Variants in EMILIN2 observed in about 807,000 individuals in gnomAD.
The protein encoded by EMILIN2 is EMILIN-2.
EMILIN2 carries 71 observed loss-of-function variants against 87.1 expected under a neutral mutation model. The ratio of observed to expected loss-of-function variants is 0.82; its 90% CI spans 0.67 to 0.99. The LOEUF (loss-of-function observed/expected upper bound fraction) is 0.99, where lower values mean the gene tolerates loss of function less well. Among genes scored for constraint, EMILIN2 ranks in the 50% least tolerant of loss-of-function variants. EMILIN2 has a pLI of 0.00. For synonymous variants in EMILIN2, 581 were observed against 563.4 expected, an observed-to-expected ratio of 1.03 and a Z score of -0.44; for missense variants, 1,407 against 1,371.8, an observed-to-expected ratio of 1.03 and a Z score of -0.40.
At chr18:2,883,221 G>A (rs1044237614) in intron 2 of EMILIN2, among the ~76,000 whole-genome samples, 1 of 33,984 alleles carries the variant, frequency 2.9e-5, no homozygotes, top group Non-Finnish European at 7.4e-5. Flanking sequence ...TGTGACCCTC[G>A]GGGAGGATGT....
intron 2 of EMILIN2, among the ~76,000 whole-genome samples, chr18:2,863,766 G>C (rs960501768): frequency 3.3e-5 from 5 of 152,224 alleles, no homozygotes; most frequent in Admixed American, 3.3e-4. Context: ...TTCAATTCCT[G>C]GATATCCTTC....
At chr18:2,868,697 G>C (rs998680804) in intron 2 of EMILIN2, among the ~76,000 whole-genome samples, 27 of 152,254 alleles carry the variant, frequency 1.8e-4, no homozygotes, top group Non-Finnish European at 1.8e-4. Flanking sequence ...TCGGCAGGCT[G>C]AGGCAGGAGA....
chr18:2,858,282 C>T (rs1348769807), intron 2 of EMILIN2, among the ~76,000 whole-genome samples: 1 of 150,790 alleles, frequency 6.6e-6, no homozygotes, highest in African/African-American at 2.4e-5. Flanking sequence ...TACACGGAAC[C>T]CAATTTGTAG....
Position 2,902,905 on chromosome 18 carries a change from C to T in EMILIN2, c.2360-3878C>T, listed in dbSNP as rs116738395. On this transcript the variant is annotated intron_variant, in intron 4 of 7. Transcript: ENST00000254528. ...GTGCCTGGATGAGGGAGAACAAGGG[C>T]GGATTTCAGAGGAAAAGGGTGATTT... Among the ~76,000 whole-genome samples, 1,051 of 151,948 alleles carry T rather than the reference C, an allele frequency of 6.9e-3. 9 individuals carry two copies. The highest frequency in any genetic ancestry group is 0.024 in the Middle Eastern group (7 of 294).
At chr18:2,857,287 C>T (rs1199087961) in intron 2 of EMILIN2, among the ~76,000 whole-genome samples, 1 of 152,224 alleles carries the variant, frequency 6.6e-6, no homozygotes, top group Non-Finnish European at 1.5e-5. Context: ...CCCAACTTTT[C>T]CCATCTCTGT....
At chr18:2,867,549 ACT>A (rs1300470030) in intron 2 of EMILIN2, among the ~76,000 whole-genome samples, 1 of 151,914 alleles carries the variant, frequency 6.6e-6, no homozygotes, top group Non-Finnish European at 1.5e-5. Flanking sequence ...AGTGGTGATG[ACT>A]CTCAACGAGC....
At chr18:2,858,325 C>T (rs1488503110) in intron 2 of EMILIN2, among the ~76,000 whole-genome samples, 2 of 150,764 alleles carry the variant, frequency 1.3e-5, no homozygotes, top group African/African-American at 4.9e-5. Flanking sequence ...CCATCCTTTT[C>T]CCCTGAGTCC....
intron 2 of EMILIN2, among the ~76,000 whole-genome samples, chr18:2,868,818 A>G (rs535149724): frequency 6.6e-6 from 1 of 152,162 alleles, no homozygotes. Context: ...AGGGAGACCA[A>G]TTCTTCTTTA....
chr18:2,850,093 A>ATTTTTTTT (rs71366611), intron 2 of EMILIN2, among the ~76,000 whole-genome samples: 1 of 122,540 alleles, frequency 8.2e-6, no homozygotes, highest in African/African-American at 3.1e-5. Context: ...TGCCCAGCTA[A>ATTTTTTTT]TTTTTTTTTT....
At chr18:2,895,360 A>G (rs2076858550) in intron 4 of EMILIN2, among the ~76,000 whole-genome samples, 1 of 152,164 alleles carries the variant, frequency 6.6e-6, no homozygotes, top group African/African-American at 2.4e-5. Flanking sequence ...GATCTGATTG[A>G]GGGATGGGTG....
At chr18:2,877,319 A>G (rs1346367485) in intron 2 of EMILIN2, among the ~76,000 whole-genome samples, 2 of 152,154 alleles carry the variant, frequency 1.3e-5, no homozygotes, top group Admixed American at 6.5e-5. Context: ...TTCAGACTTT[A>G]TAGCCTCTAC....
At chr18:2,899,084 A>AAAC (rs2076876437) in intron 4 of EMILIN2, among the ~76,000 whole-genome samples, 1 of 151,668 alleles carries the variant, frequency 6.6e-6, no homozygotes, top group Admixed American at 6.6e-5. Context: ...GGATCTTTAA[A>AAAC]AAAAACAAAA....
At chr18:2,861,704 T>C (rs2143970033) in intron 2 of EMILIN2, among the ~76,000 whole-genome samples, 1 of 152,348 alleles carries the variant, frequency 6.6e-6, no homozygotes, top group Admixed American at 6.5e-5. Flanking sequence ...TAGGATTGAC[T>C]TGGCGATGCA....
chr18:2,885,613 G>A (rs2076799881), intron 3 of EMILIN2, among the ~76,000 whole-genome samples: 1 of 152,184 alleles, frequency 6.6e-6, no homozygotes, highest in Non-Finnish European at 1.5e-5. Context: ...CTGCCTACCT[G>A]GTTCAAGCAA....
Position 2,877,635 on chromosome 18 carries a change from A to T in EMILIN2, c.258-7329A>T, listed in dbSNP as rs2076756009. Among the ~76,000 whole-genome samples, 4 of 151,948 alleles carry T rather than the reference A, an allele frequency of 2.6e-5. No homozygotes were observed. In the South Asian group the frequency reaches 8.3e-4, roughly 32 times the overall value. ...CTACTAAAAATACAAAAAATTAGCC[A>T]GGCGTGGTGGCCTGCACCTGTAATC... On this transcript the variant is annotated intron_variant, in intron 2 of 7. Transcript: ENST00000254528.
intron 2 of EMILIN2, among the ~76,000 whole-genome samples, chr18:2,862,071 G>C (rs918636427): frequency 6.6e-6 from 1 of 152,134 alleles, no homozygotes; most frequent in African/African-American, 2.4e-5. Context: ...GGTGATTTTT[G>C]CACATTGATT....
At position 2,913,129 on chromosome 18, in the gene EMILIN2, G is replaced by C. The variant is rs750160087; in HGVS notation, c.2887G>C (p.Asp963His). ...CACGGCCACCCTCACCCCCGAGAGA[G>C]ACGCCTACGTGGAAGCAGTGCTGTC... is the stretch of plus-strand genomic sequence containing the variant. ...LITATLTPERDAYVEAVLSVS... is the reference protein window; with the variant it reads ...LITATLTPERHAYVEAVLSVS... The change falls in exon 8 of 8, where the codon GAC becomes CAC. Residue 963 changes from aspartate to histidine, a missense_variant. Coordinates refer to ENST00000254528, the MANE Select transcript of EMILIN2 (RefSeq NM_032048.3). 2 of 1,613,814 alleles carry C rather than the reference G, an allele frequency of 1.2e-6. No homozygotes were observed. Among genetic ancestry groups the C allele is most frequent in the Non-Finnish European group, 1.7e-6 (2 of 1,180,026 alleles).
At chr18:2,864,086 C>T (rs1447953159) in intron 2 of EMILIN2, among the ~76,000 whole-genome samples, 1 of 152,178 alleles carries the variant, frequency 6.6e-6, no homozygotes, top group Non-Finnish European at 1.5e-5. Flanking sequence ...GATCTTCCTC[C>T]ATCCCTTTAT....
chr18:2,908,087 A>G (rs982311064), intron 5 of EMILIN2, among the ~76,000 whole-genome samples: 12 of 152,188 alleles, frequency 7.9e-5, no homozygotes, highest in African/African-American at 2.9e-4. Flanking sequence ...ATTCCTTCTT[A>G]GACACCTGAG....
Sources: gnomAD v4.1 joint callset for allele counts (sites outside exome capture counted in the v4.1 genomes callset) on GRCh38, gnomAD v4.1.1 for gene constraint, MANE v1.5 for transcripts, NCBI Gene and HGNC (gene_info 2026-07-23, HGNC 2026-07-21) for gene names.